The following PIEZO2 variants were observed in gnomAD, a reference collection of about 807,000 sequenced individuals.
PIEZO2 encodes the protein piezo type mechanosensitive ion channel component 2.
In PIEZO2, 172 loss-of-function variants were observed where a neutral mutation model predicts 337.3. The ratio of observed to expected loss-of-function variants is 0.51; its 90% confidence interval spans 0.45 to 0.58. The LOEUF is 0.58. PIEZO2 is among the 20% of genes least tolerant of loss of function. The pLI, the probability that PIEZO2 is intolerant of heterozygous loss-of-function variation, is 0.00. For synonymous variants in PIEZO2, 1,251 were observed against 1,228.5 expected (o/e 1.02, Z -0.38); for missense variants, 3,028 against 3,391.3 (o/e 0.89, Z 2.66).
At chr18:10,764,836 A>G (rs1025080253) in intron 21 of PIEZO2, among the ~76,000 whole-genome samples, 4 of 152,300 alleles carry the variant, frequency 2.6e-5, no homozygotes, top group Middle Eastern at 6.8e-3. Flanking sequence ...TCACTCATAA[A>G]CATGTTACCT....
At chr18:11,113,599 C>T (rs561815140) in intron 1 of PIEZO2, among the ~76,000 whole-genome samples, 30 of 152,308 alleles carry the variant, frequency 2.0e-4, no homozygotes, top group South Asian at 6.2e-4. Context: ...GGGAGGCCCT[C>T]GCAGGTATCA....
Position 11,027,578 on chromosome 18 carries a change from C to T in PIEZO2, c.160+38549G>A, listed in dbSNP as rs1367725821. Among the ~76,000 whole-genome samples, 1 of 152,136 alleles carries T rather than the reference C, an allele frequency of 6.6e-6. No individual in the cohort carries two copies. The highest frequency in any genetic ancestry group is 1.5e-5 in the Non-Finnish European group (1 of 68,040). On this transcript the variant is annotated intron_variant, in intron 2 of 55. Coordinates refer to ENST00000674853, the MANE Select transcript of PIEZO2 (RefSeq NM_001378183.1). This position sits in a 1 kb window ranked among gnomAD's most constrained non-coding sequence, Gnocchi z 4.2. ...AACTTCACAATTCATCTGTATGCTT[C>T]TGTTTGGTTTTAACTGTAGAAAATT...
Position 10,855,639 on chromosome 18 carries a change from T to C in PIEZO2, c.704-73A>G. On this transcript the variant is annotated intron_variant, in intron 6 of 55. Transcript: ENST00000674853. This position sits in a 1 kb window ranked among gnomAD's most constrained non-coding sequence, Gnocchi z 4.9. Reference sequence around the variant, plus strand: ...ACTTATCATTCAGTGAATGTGACTATTTGAAATTATGTGAATTTCCTTCAA... The same window carrying C: ...ACTTATCATTCAGTGAATGTGACTACTTGAAATTATGTGAATTTCCTTCAA... 2 of 1,180,754 alleles carry C rather than the reference T, an allele frequency of 1.7e-6. No homozygotes were observed. Among genetic ancestry groups the C allele is most frequent in the Non-Finnish European group, 2.3e-6 (2 of 853,156 alleles). 73.1% of individuals were successfully genotyped at this position (1,180,754 alleles called of 1,614,324 possible).
chr18:10,994,725 G>A (rs889657241), intron 2 of PIEZO2, among the ~76,000 whole-genome samples: 1 of 151,512 alleles, frequency 6.6e-6, no homozygotes, highest in South Asian at 2.1e-4. Context: ...CATTCTTTAA[G>A]GAACCTCTGT....
intron 3 of PIEZO2, among the ~76,000 whole-genome samples, chr18:10,963,118 C>G (rs2033854529): frequency 6.6e-6 from 1 of 151,970 alleles, no homozygotes; most frequent in Non-Finnish European, 1.5e-5. Flanking sequence ...AACCTTGTCT[C>G]TACTAAAAAT....
At chr18:10,687,679 C>G (rs1306902021) in intron 49 of PIEZO2, among the ~76,000 whole-genome samples, 1 of 152,180 alleles carries the variant, frequency 6.6e-6, no homozygotes, top group Non-Finnish European at 1.5e-5. Context: ...TGGTGGAACT[C>G]TGAGCCTAGA....
At chr18:10,757,919 G>A (rs1378183955) in intron 27 of PIEZO2, 50 bp downstream of exon 27, 1 of 1,454,766 alleles carries the variant, frequency 6.9e-7, no homozygotes. Context: ...GCAATGTAAT[G>A]GAAATGCACA....
intron 45 of PIEZO2, among the ~76,000 whole-genome samples, chr18:10,697,341 G>A (rs2035139264): frequency 6.6e-6 from 1 of 152,142 alleles, no homozygotes; most frequent in Non-Finnish European, 1.5e-5. Context: ...GGTAACAGGT[G>A]TATGACCATG....
intron 3 of PIEZO2, among the ~76,000 whole-genome samples, chr18:10,921,024 G>C (rs2031357918): frequency 6.6e-6 from 1 of 152,174 alleles, no homozygotes; most frequent in East Asian, 1.9e-4. Flanking sequence ...TTGGACTCCA[G>C]CCTGGGCAAC....
chr18:10,802,427 T>G (rs2039856072), intron 9 of PIEZO2, among the ~76,000 whole-genome samples: 1 of 152,192 alleles, frequency 6.6e-6, no homozygotes, highest in Non-Finnish European at 1.5e-5. Context: ...ACTTATGTAT[T>G]TATTCATTAA....
At chr18:10,690,309 C>T (rs114335610) in intron 48 of PIEZO2, among the ~76,000 whole-genome samples, 1,947 of 152,264 alleles carry the variant, frequency 0.013, 38 homozygotes, top group African/African-American at 0.045. Flanking sequence ...TTGGCTCAGC[C>T]TCTGTGGTTC....
At chr18:10,728,954 CAAA>C (rs143511795) in intron 36 of PIEZO2, among the ~76,000 whole-genome samples, 4 of 75,620 alleles carry the variant, frequency 5.3e-5, no homozygotes, top group East Asian at 6.4e-4. Context: ...GACTCTGTCT[CAAA>C]AAAAAAAAAA....
At chr18:10,889,364 T>A (rs1253426081) in intron 4 of PIEZO2, among the ~76,000 whole-genome samples, 1 of 152,220 alleles carries the variant, frequency 6.6e-6, no homozygotes, top group Non-Finnish European at 1.5e-5. Context: ...CCTTGAGAAA[T>A]CTTTGGATTT....
chr18:10,836,719 A>C (rs1473813538), intron 7 of PIEZO2, among the ~76,000 whole-genome samples: 1 of 152,192 alleles, frequency 6.6e-6, no homozygotes, highest in Admixed American at 6.5e-5. Flanking sequence ...GTCAGAGCTT[A>C]ATACCATATT....
chr18:10,988,321 A>G lies in PIEZO2; in HGVS notation c.161-8661T>C, dbSNP rs1250416666. 6.6e-6 allele frequency among the ~76,000 whole-genome samples: 1 copy of G among 152,204 alleles called. No individual in the cohort carries two copies. The highest frequency in any genetic ancestry group is 1.5e-5 in the Non-Finnish European group (1 of 68,024). ...CTTCCCACCCTCTGGAACTATGAGTAATAAATTTCTATTCTTTATAAATTA... is the reference window on the plus strand; with the variant it reads ...CTTCCCACCCTCTGGAACTATGAGTGATAAATTTCTATTCTTTATAAATTA... On this transcript the variant is annotated intron_variant, in intron 2 of 55. Transcript: ENST00000674853. This position sits in a 1 kb window ranked among gnomAD's most constrained non-coding sequence, Gnocchi z 4.8.
chr18:11,057,507 T>C (rs1017278790), intron 2 of PIEZO2, among the ~76,000 whole-genome samples: 1 of 152,224 alleles, frequency 6.6e-6, no homozygotes, highest in African/African-American at 2.4e-5. Flanking sequence ...GGTTCTCTGT[T>C]AACTCTTTCT....
In PIEZO2 at chr18:11,120,311, AAT is replaced by A. The variant is rs2039994021; in HGVS notation, c.64+28212_64+28213del. ...TTTGCATGAAAAATATTTACCACAA[AAT>A]ATGTTTTTTTTTCTCAAAAAGATAT... is the stretch of plus-strand genomic sequence containing the variant. On this transcript the variant is annotated intron_variant, in intron 1 of 55. Coordinates refer to ENST00000674853, the MANE Select transcript of PIEZO2 (RefSeq NM_001378183.1). Among the ~76,000 whole-genome samples the A allele has an allele frequency of 2.6e-5, 4 of 152,286 alleles. No homozygotes were observed. The South Asian group carries it at 8.3e-4, about 32-fold the overall frequency.
In PIEZO2 at chr18:10,781,243, G is replaced by C. The variant is rs1424109536; in HGVS notation, c.2493-877C>G. Reference sequence around the variant, plus strand: ...CCCAGCACTTTGGGAAGTCGAGGCAGGTGGATCATGAGGTCAAGAGTTCGA... The same window carrying C: ...CCCAGCACTTTGGGAAGTCGAGGCACGTGGATCATGAGGTCAAGAGTTCGA... On this transcript the variant is annotated intron_variant, in intron 17 of 55. Transcript: ENST00000674853. The surrounding 1 kb of genome is among the most constrained non-coding windows in gnomAD (Gnocchi z 4.1). 6.6e-6 allele frequency among the ~76,000 whole-genome samples: 1 copy of C among 152,080 alleles called. No individual in the cohort carries two copies. Among genetic ancestry groups the C allele is most frequent in the East Asian group, 1.9e-4 (1 of 5,162 alleles).
At chr18:11,119,516 A>G (rs1217959689) in intron 1 of PIEZO2, among the ~76,000 whole-genome samples, 3 of 152,202 alleles carry the variant, frequency 2.0e-5, no homozygotes, top group African/African-American at 4.8e-5. Flanking sequence ...GCCCTTGCCT[A>G]ATTATACTTT....
Sources: allele counts gnomAD v4.1 joint callset (sites outside exome capture counted in the v4.1 genomes callset), GRCh38; gene constraint gnomAD v4.1.1; non-coding constraint Gnocchi (gnomAD v3.1); transcripts MANE v1.5; gene names NCBI Gene and HGNC (gene_info 2026-07-23, HGNC 2026-07-21).